VCAN: variants seen among roughly 807,000 people sequenced by gnomAD.
VCAN encodes versican core protein.
VCAN carries 44 observed loss-of-function variants against 245.5 expected under a neutral mutation model. The ratio of observed to expected loss-of-function variants is 0.18; its 90% CI spans 0.14 to 0.23. The LOEUF is 0.23. Among genes scored for constraint, VCAN ranks in the 10% least tolerant of loss-of-function variants. VCAN has a pLI of 1.00. For missense variants in VCAN, 3,793 were observed against 4,057.9 expected, an observed-to-expected ratio of 0.93 and a Z score of 1.77; for synonymous variants, 1,413 against 1,437.0, an observed-to-expected ratio of 0.98 and a Z score of 0.38.
intron 7 of VCAN, among the ~76,000 whole-genome samples, chr5:83,528,011 A>G (rs1412197095): frequency 6.6e-6 from 1 of 152,218 alleles, no homozygotes. Flanking sequence ...CAGTCAATCA[A>G]ATTACCTTCG....
intron 13 of VCAN, among the ~76,000 whole-genome samples, chr5:83,572,889 ATTTATTTAT>A (rs1748341910): frequency 6.7e-6 from 1 of 149,520 alleles, no homozygotes. Flanking sequence ...TTATTTATTT[ATTTATTTAT>A]TTATTATTAT....
chr5:83,519,884 C>A lies in VCAN; in HGVS notation c.1578C>A (p.Ile526=). 1 of 1,614,096 alleles carries A rather than the reference C, an allele frequency of 6.2e-7. No homozygotes were observed. The highest frequency in any genetic ancestry group is 8.5e-7 in the Non-Finnish European group (1 of 1,179,970). The change falls in exon 7 of 15, where the codon ATC becomes ATA. Residue 526 remains isoleucine, a synonymous_variant. Coordinates refer to ENST00000265077, the MANE Select transcript of VCAN (RefSeq NM_004385.5). ...CACCATTGGTAACTGCAAGAATGAT[C>A]CTGGAATCCAAAACTGAAAAGAAAA... is the stretch of plus-strand genomic sequence containing the variant. ...TETPLVTARM[I]LESKTEKKMV...
At position 83,538,717 on chromosome 5, in the gene VCAN, A is replaced by C. The variant is rs749691778; in HGVS notation, c.5714A>C (p.Glu1905Ala). ...VAENITQTSREIVISERLGEP... is the reference protein window; with the variant it reads ...VAENITQTSRAIVISERLGEP... Reference sequence around the variant, plus strand: ...GAAAATATAACCCAAACATCCAGGGAAATAGTGATTTCAGAGCGATTAGGA... The same window carrying C: ...GAAAATATAACCCAAACATCCAGGGCAATAGTGATTTCAGAGCGATTAGGA... Residue 1905 changes from glutamate (E) to alanine (A), a missense_variant, in exon 8 of 15, where the codon GAA becomes GCA. By Grantham distance (107) the Glu-to-Ala change is moderately radical. Transcript: ENST00000265077. 1 of 1,614,064 alleles carries C rather than the reference A, an allele frequency of 6.2e-7. No individual in the cohort carries two copies. The highest frequency in any genetic ancestry group is 8.5e-7 in the Non-Finnish European group (1 of 1,179,962).
chr5:83,574,375 T>G (rs1427275408), intron 13 of VCAN, among the ~76,000 whole-genome samples: 1 of 152,174 alleles, frequency 6.6e-6, no homozygotes, highest in African/African-American at 2.4e-5. Context: ...TTGGCACCCA[T>G]ATGCATGTTT....
At position 83,580,425 on chromosome 5, in the gene VCAN, G is replaced by A; in HGVS notation, c.10182G>A (p.Ser3394=). ...GTTGGAGCCGGAGGTGGCAGGAGTC[G>A]AGGCGCTGATCCCTAAAATGGCGAA... The part of the protein sequence containing the change: ...DHRWSRRWQE[S]RR Residue 3394 remains serine, a synonymous_variant, in exon 15 of 15, where the codon TCG becomes TCA. Coordinates refer to ENST00000265077, the MANE Select transcript of VCAN (RefSeq NM_004385.5). The A allele has an allele frequency of 1.2e-6, 2 of 1,613,720 alleles. No individual in the cohort carries two copies. The highest frequency in any genetic ancestry group is 1.1e-5 in the South Asian group (1 of 91,056).
intron 12 of VCAN, among the ~76,000 whole-genome samples, chr5:83,561,276 A>G (rs1580069111): frequency 6.6e-6 from 1 of 152,068 alleles, no homozygotes; most frequent in Admixed American, 6.6e-5. Context: ...TCTGGTCAGG[A>G]AGTTCTAGAA....
chr5:83,505,785 C>T (rs1304833199), intron 5 of VCAN, among the ~76,000 whole-genome samples: 1 of 152,226 alleles, frequency 6.6e-6, no homozygotes, highest in Non-Finnish European at 1.5e-5. Context: ...GAGGGCCCCA[C>T]CCCTACAGCA....
chr5:83,569,884 T>G (rs1402532793), intron 12 of VCAN, among the ~76,000 whole-genome samples: 1 of 152,100 alleles, frequency 6.6e-6, no homozygotes, highest in Admixed American at 6.6e-5. Context: ...CTACTTTAAC[T>G]CATTCATTAC....
chr5:83,550,652 C>T (rs1319927732), intron 10 of VCAN, among the ~76,000 whole-genome samples: 1 of 151,948 alleles, frequency 6.6e-6, no homozygotes, highest in Non-Finnish European at 1.5e-5. Context: ...TTTGGGAGGT[C>T]AAGGCGGGCG....
Position 83,537,275 on chromosome 5 carries a change from A to G in VCAN, c.4272A>G (p.Pro1424=), listed in dbSNP as rs150960939. 6.3e-5 allele frequency: 102 copies of G among 1,614,016 alleles called. No homozygotes were observed. The African/African-American group carries it at 1.3e-3, about 21-fold the overall frequency. The change falls in exon 8 of 15, where the codon CCA becomes CCG. Residue 1424 remains proline (P), a synonymous_variant. Coordinates refer to ENST00000265077, the MANE Select transcript of VCAN (RefSeq NM_004385.5). ...KHLVTTVPKD[P]EAAEARRGQF... ...TCGTTACCACTGTGCCCAAGGACCC[A>G]GAAGCTGCAGAAGCTAGGCGTGGCC... is the stretch of plus-strand genomic sequence containing the variant.
chr5:83,530,638 T>C (rs934209425), intron 7 of VCAN, among the ~76,000 whole-genome samples: 2 of 152,302 alleles, frequency 1.3e-5, no homozygotes, highest in African/African-American at 2.4e-5. Context: ...AGAAAATGTA[T>C]AACATTACTT....
At chr5:83,572,392 T>A (rs772326981) in intron 12 of VCAN, 24 bp from the exon 13 acceptor site, 34 of 1,613,654 alleles carry the variant, frequency 2.1e-5, no homozygotes, top group Non-Finnish European at 2.7e-5. Context: ...AGCAAGTAGT[T>A]ACCTTCTCCC....
At chr5:83,472,399 T>G (rs1206280104) in intron 1 of VCAN, among the ~76,000 whole-genome samples, 1 of 152,080 alleles carries the variant, frequency 6.6e-6, no homozygotes, top group Non-Finnish European at 1.5e-5. Context: ...TTTTTTGTTG[T>G]TGTTGTTCTT....
At position 83,517,033 on chromosome 5, in the gene VCAN, A is replaced by G. The variant is rs377399880; in HGVS notation, c.1043-2316A>G. Reference sequence around the variant, plus strand: ...TTTTTTAAAATAGGGCTCTAAAATTATTGAAAACCCTTGTTTTTGGAAACA... The same window carrying G: ...TTTTTTAAAATAGGGCTCTAAAATTGTTGAAAACCCTTGTTTTTGGAAACA... On this transcript the variant is annotated intron_variant, in intron 6 of 14. Transcript: ENST00000265077. Among the ~76,000 whole-genome samples the G allele has an allele frequency of 2.0e-5, 3 of 152,334 alleles. No individual in the cohort carries two copies. In the East Asian group the frequency reaches 5.8e-4, roughly 29 times the overall value.
At chr5:83,564,952 C>T (rs1053640553) in intron 12 of VCAN, among the ~76,000 whole-genome samples, 9 of 151,578 alleles carry the variant, frequency 5.9e-5, no homozygotes, top group Non-Finnish European at 1.3e-4. Context: ...TAAACTATGG[C>T]GAATTTTAAA....
At chr5:83,483,895 C>CA (rs1232136692) in intron 2 of VCAN, among the ~76,000 whole-genome samples, 3 of 152,106 alleles carry the variant, frequency 2.0e-5, no homozygotes, top group African/African-American at 7.2e-5. Flanking sequence ...CACTATTTCT[C>CA]AAAAACTTTC....
intron 6 of VCAN, among the ~76,000 whole-genome samples, 184 bp from the exon 7 acceptor site, chr5:83,519,165 A>C (rs537537384): frequency 1.3e-5 from 2 of 152,310 alleles, no homozygotes; most frequent in African/African-American, 4.8e-5. Flanking sequence ...ATGACTATTA[A>C]GTGTTCAATT....
At chr5:83,525,667 C>T (rs936676891) in intron 7 of VCAN, among the ~76,000 whole-genome samples, 4 of 152,004 alleles carry the variant, frequency 2.6e-5, no homozygotes, top group African/African-American at 9.7e-5. Context: ...GTTAGGTGTT[C>T]TTTTTCCTAC....
intron 13 of VCAN, 62 bp from the exon 14 acceptor site, chr5:83,579,918 G>A (rs1440896321): frequency 3.9e-6 from 6 of 1,544,838 alleles, no homozygotes; most frequent in South Asian, 3.4e-5. Flanking sequence ...AGAAAAATAA[G>A]AGACTCATAT....
Sources: allele counts gnomAD v4.1 joint callset (sites outside exome capture counted in the v4.1 genomes callset), GRCh38; gene constraint gnomAD v4.1.1; transcripts MANE v1.5; gene names NCBI Gene and HGNC (gene_info 2026-07-23, HGNC 2026-07-21).